Variants in AHRR observed in about 807,000 individuals in gnomAD.
AHRR encodes the protein aryl hydrocarbon receptor repressor, also known as ahR repressor.
A neutral mutation model predicts 44.0 loss-of-function variants in AHRR; 28 were observed. The observed-to-expected ratio is 0.64, with a 90% CI of 0.47 to 0.87. AHRR has a LOEUF of 0.87. AHRR is among the 40% of genes least tolerant of loss of function. AHRR has a pLI of 0.00. For synonymous variants in AHRR, 434 were observed against 407.0 expected (o/e 1.07, Z -0.80); for missense variants, 990 against 953.9 (o/e 1.04, Z -0.50).
chr5:423,062 T>C (rs1579702064), intron 6 of AHRR, among the ~76,000 whole-genome samples: 1 of 152,172 alleles, frequency 6.6e-6, no homozygotes, highest in Non-Finnish European at 1.5e-5. Context: ...TCCGTGTGGC[T>C]CGAGTGTGCT....
intron 4 of AHRR, chr5:403,788 T>C: frequency 1.3e-6 from 2 of 1,539,430 alleles, no homozygotes; most frequent in Non-Finnish European, 1.8e-6. Flanking sequence ...TCAAAGGGTC[T>C]CTTTCCTGGG....
chr5:416,397 C>G (rs951198156), intron 5 of AHRR, among the ~76,000 whole-genome samples: 11 of 152,362 alleles, frequency 7.2e-5, no homozygotes, highest in Admixed American at 6.5e-4. Flanking sequence ...TGGGAAAAGC[C>G]CTGGTGCCCG....
chr5:375,279 A>G (rs1560897531), intron 3 of AHRR, among the ~76,000 whole-genome samples: 1 of 152,216 alleles, frequency 6.6e-6, no homozygotes, highest in African/African-American at 2.4e-5. Flanking sequence ...TGGGCTACAA[A>G]TAGACACGTG....
intron 4 of AHRR, among the ~76,000 whole-genome samples, chr5:385,938 T>C (rs1734154933): frequency 6.6e-6 from 1 of 152,228 alleles, no homozygotes; most frequent in African/African-American, 2.4e-5. Flanking sequence ...AGATAATTTC[T>C]GTTGAACTGC....
chr5:401,105 C>T (rs995972720), intron 4 of AHRR, among the ~76,000 whole-genome samples: 1 of 152,208 alleles, frequency 6.6e-6, no homozygotes, highest in African/African-American at 2.4e-5. Flanking sequence ...AGCAGATGCC[C>T]CCCAGGCCAC....
chr5:397,494 G>A (rs1734781757), intron 4 of AHRR, among the ~76,000 whole-genome samples: 1 of 93,724 alleles, frequency 1.1e-5, no homozygotes, highest in Non-Finnish European at 2.3e-5. Flanking sequence ...CATCCACGTA[G>A]CCCCTGACCA....
intron 4 of AHRR, chr5:403,639 G>GAA (rs34565085): frequency 0.11 from 35,943 of 323,452 alleles, 5 homozygotes; most frequent in South Asian, 0.18. Flanking sequence ...CTCCGTTTCA[G>GAA]AAAAAAAAAA....
At chr5:368,444 G>A (rs1265902458) in intron 3 of AHRR, among the ~76,000 whole-genome samples, 2 of 151,866 alleles carry the variant, frequency 1.3e-5, no homozygotes, top group East Asian at 3.8e-4. Context: ...CAGTGTTTTG[G>A]GTTTTGTTTT....
intron 4 of AHRR, among the ~76,000 whole-genome samples, chr5:380,597 CT>C (rs943184258): frequency 1.3e-5 from 2 of 152,090 alleles, no homozygotes; most frequent in Non-Finnish European, 2.9e-5. Flanking sequence ...GTAAATGAGA[CT>C]TTTTTAATTT....
At chr5:331,232 A>G (rs1467667309) in intron 1 of AHRR, among the ~76,000 whole-genome samples, 2 of 151,942 alleles carry the variant, frequency 1.3e-5, no homozygotes, top group Admixed American at 6.6e-5. Flanking sequence ...CCCACTTTTC[A>G]TTACTTATCT....
At chr5:422,453 A>T (rs953904877) in intron 5 of AHRR, 2 of 469,682 alleles carry the variant, frequency 4.3e-6, no homozygotes, top group Non-Finnish European at 7.8e-6. Context: ...GGCCCAGAAG[A>T]TGCCCGTCTC....
rs772623451 is a variant in AHRR at position 404,900 on chromosome 5, A to G, written c.352-8444A>G. ...TGCCTTCGAGTAGCAGGCTCAGTCCATTTTGAGGAGGCTGGCACGAGGCTG... is the reference window on the plus strand; with the variant it reads ...TGCCTTCGAGTAGCAGGCTCAGTCCGTTTTGAGGAGGCTGGCACGAGGCTG... On this transcript the variant is annotated intron_variant, in intron 4 of 10. Coordinates refer to ENST00000684583, the MANE Select transcript of AHRR (RefSeq NM_001377236.1). This position sits in a 1 kb window ranked among gnomAD's most constrained non-coding sequence, Gnocchi z 4.1. Among the ~76,000 whole-genome samples, 9 of 152,090 alleles carry G rather than the reference A, an allele frequency of 5.9e-5. No individual in the cohort carries two copies. The highest frequency in any genetic ancestry group is 1.3e-4 in the Non-Finnish European group (9 of 68,016).
chr5:416,148 C>T (rs1360966280), intron 5 of AHRR, among the ~76,000 whole-genome samples: 1 of 152,224 alleles, frequency 6.6e-6, no homozygotes, highest in Non-Finnish European at 1.5e-5. Context: ...TGGTGGAGGA[C>T]GCAGGGGGAC....
At chr5:359,800 C>A (rs1053335982) in intron 3 of AHRR, among the ~76,000 whole-genome samples, 3 of 152,172 alleles carry the variant, frequency 2.0e-5, no homozygotes, top group African/African-American at 7.2e-5. Context: ...CCTAGGTGGG[C>A]AAGAACAGAG....
intron 10 of AHRR, 123 bp downstream of exon 10, chr5:433,070 C>T (rs1736814358): frequency 8.4e-7 from 1 of 1,187,382 alleles, no homozygotes; most frequent in Non-Finnish European, 1.1e-6. Context: ...CCTTGGCCAC[C>T]ACACGAGCCA....
At chr5:413,672 C>T (rs775789425) in intron 5 of AHRR, among the ~76,000 whole-genome samples, 3 of 152,154 alleles carry the variant, frequency 2.0e-5, no homozygotes, top group Non-Finnish European at 4.4e-5. Flanking sequence ...CTAAGGCAGC[C>T]GTGGCGTGCG....
intron 4 of AHRR, among the ~76,000 whole-genome samples, chr5:390,135 G>T (rs2126467980): frequency 6.6e-6 from 1 of 152,280 alleles, no homozygotes; most frequent in South Asian, 2.1e-4. Context: ...CGGCATCTGT[G>T]GCACAACGCG....
chr5:411,263 C>T lies in AHRR; in HGVS notation c.352-2081C>T, dbSNP rs1017438347. On this transcript the variant is annotated intron_variant, in intron 4 of 10. Transcript: ENST00000684583. The surrounding 1 kb of genome is among the most constrained non-coding windows in gnomAD (Gnocchi z 4.2). ...ATACTTTTGAAACAGTCATTTTAAG[C>T]TCACTGGCATTTGATGCTGACCCTT... Among the ~76,000 whole-genome samples the T allele has an allele frequency of 1.3e-5, 2 of 151,892 alleles. No individual in the cohort carries two copies. Among genetic ancestry groups the T allele is most frequent in the African/African-American group, 4.8e-5 (2 of 41,332 alleles).
rs554480638 is a variant in AHRR, at chr5:350,172, T to C, written c.63-3558T>C. ...AGAAATTCCTGTTGGGATTTTAATA[T>C]GATTACATTGAATCTATAGATCAGT... On this transcript the variant is annotated intron_variant, in intron 2 of 10. Coordinates refer to ENST00000684583, the MANE Select transcript of AHRR (RefSeq NM_001377236.1). Among the ~76,000 whole-genome samples the C allele has an allele frequency of 3.0e-3, 463 of 152,360 alleles. 2 individuals carry two copies. Among genetic ancestry groups the C allele is most frequent in the African/African-American group, 7.6e-3 (314 of 41,576 alleles).
Sources: allele counts gnomAD v4.1 joint callset (sites outside exome capture counted in the v4.1 genomes callset), GRCh38; gene constraint gnomAD v4.1.1; non-coding constraint Gnocchi (gnomAD v3.1); transcripts MANE v1.5; gene names NCBI Gene and HGNC (gene_info 2026-07-23, HGNC 2026-07-21).